The following RASGRF2 variants were observed in gnomAD, a reference collection of about 807,000 sequenced individuals.
RASGRF2 encodes the protein ras-specific guanine nucleotide-releasing factor 2.
RASGRF2 carries 76 observed loss-of-function variants against 151.0 expected under a neutral mutation model. The ratio of observed to expected loss-of-function variants is 0.50; its 90% CI spans 0.42 to 0.61. The LOEUF is 0.61. Ranked by LOEUF, RASGRF2 falls within the 20% of genes least tolerant of loss-of-function variation. The probability of loss-of-function intolerance (pLI) is 0.00; values close to 1 mark genes in which losing one functional copy is unlikely to be tolerated. For synonymous variants in RASGRF2, 504 were observed against 566.5 expected, an observed-to-expected ratio of 0.89 and a Z score of 1.57; for missense variants, 1,148 against 1,564.6, an observed-to-expected ratio of 0.73 and a Z score of 4.49.
At chr5:81,033,789 T>C (rs902344087) in intron 1 of RASGRF2, among the ~76,000 whole-genome samples, 5 of 152,160 alleles carry the variant, frequency 3.3e-5, no homozygotes, top group Non-Finnish European at 5.9e-5. Context: ...AAAGCCAAAA[T>C]TGACAAATGG....
Position 80,960,599 on chromosome 5 carries a change from C to A in RASGRF2, c.-140C>A. ...GGCCTCCCGAAAGCGGGCGGGGTGC[C>A]CTGCGCGCGGCGTGGGGAAAGGGGG... On this transcript the variant is annotated 5_prime_UTR_variant, in exon 1 of 27. Coordinates refer to ENST00000265080, the MANE Select transcript of RASGRF2 (RefSeq NM_006909.3). The surrounding 1 kb of genome is among the most constrained non-coding windows in gnomAD (Gnocchi z 5.5). 1.2e-6 allele frequency: 1 copy of A among 847,154 alleles called. No homozygotes were observed. Among genetic ancestry groups the A allele is most frequent in the Non-Finnish European group, 1.6e-6 (1 of 640,588 alleles). 52.5% of individuals were successfully genotyped at this position (847,154 alleles called of 1,614,324 possible).
In RASGRF2 at chr5:81,001,726, T is replaced by C. The variant is rs566239237; in HGVS notation, c.288+40700T>C. On this transcript the variant is annotated intron_variant, in intron 1 of 26. Transcript: ENST00000265080. ...CGAGACAATTGTACCCTGACTTGTA[T>C]TTATTTACTTGTTTTCTTGCCTCTG... Among the ~76,000 whole-genome samples, 5 of 152,356 alleles carry C rather than the reference T, an allele frequency of 3.3e-5. No homozygotes were observed. The South Asian group carries it at 1.0e-3, about 32-fold the overall frequency.
intron 18 of RASGRF2, among the ~76,000 whole-genome samples, chr5:81,197,953 G>A (rs1755304284): frequency 6.6e-6 from 1 of 151,904 alleles, no homozygotes; most frequent in African/African-American, 2.4e-5. Flanking sequence ...CTACCTTTTT[G>A]TTCTTTTTTT....
intron 17 of RASGRF2, among the ~76,000 whole-genome samples, chr5:81,174,303 T>C (rs1754724204): frequency 1.3e-5 from 2 of 152,242 alleles, no homozygotes; most frequent in African/African-American, 4.8e-5. Context: ...GTCATTAATA[T>C]GGACATGTCT....
At chr5:81,027,066 C>T (rs1750061406) in intron 1 of RASGRF2, among the ~76,000 whole-genome samples, 1 of 152,076 alleles carries the variant, frequency 6.6e-6, no homozygotes, top group African/African-American at 2.4e-5. Flanking sequence ...TAAAATTCAC[C>T]ATTTTAAAGT....
At chr5:81,224,547 A>C (rs1755929872) in intron 26 of RASGRF2, among the ~76,000 whole-genome samples, 1 of 152,238 alleles carries the variant, frequency 6.6e-6, no homozygotes, top group Admixed American at 6.5e-5. Flanking sequence ...TGTTTATCCA[A>C]AGGGAAAATG....
At chr5:81,173,805 T>G (rs1017977724) in intron 17 of RASGRF2, among the ~76,000 whole-genome samples, 1 of 152,226 alleles carries the variant, frequency 6.6e-6, no homozygotes, top group Non-Finnish European at 1.5e-5. Flanking sequence ...TTTTGAGTTT[T>G]GTAAATTTGG....
intron 1 of RASGRF2, among the ~76,000 whole-genome samples, chr5:80,969,012 T>A (rs1747815152): frequency 6.6e-6 from 1 of 151,944 alleles, no homozygotes; most frequent in African/African-American, 2.4e-5. Flanking sequence ...ATGATCATGG[T>A]GTAAAGTGTT....
intron 17 of RASGRF2, among the ~76,000 whole-genome samples, chr5:81,149,665 C>T (rs1270173459): frequency 6.6e-6 from 1 of 152,066 alleles, no homozygotes; most frequent in Admixed American, 6.6e-5. Flanking sequence ...CCATGAGTTT[C>T]ACCATCTTCT....
Position 81,055,869 on chromosome 5 carries a change from G to A in RASGRF2, c.396-12163G>A, listed in dbSNP as rs565519735. 6.3e-3 allele frequency among the ~76,000 whole-genome samples: 953 copies of A among 152,268 alleles called. 5 individuals are homozygous for A. Among genetic ancestry groups the A allele is most frequent in the Middle Eastern group, 0.014 (4 of 294 alleles). On this transcript the variant is annotated intron_variant, in intron 2 of 26. Coordinates refer to ENST00000265080, the MANE Select transcript of RASGRF2 (RefSeq NM_006909.3). ...CTGGTTTAGTCTTGGGAGGGTGTAT[G>A]TGTCCAGGAATTTATCCATTTCTTC...
At chr5:81,127,263 A>C in intron 17 of RASGRF2, 100 bp downstream of exon 17, 2 of 1,232,076 alleles carry the variant, frequency 1.6e-6, no homozygotes, top group Non-Finnish European at 2.3e-6. Flanking sequence ...CAGCTCTCAC[A>C]CTGGAATCCC....
intron 18 of RASGRF2, among the ~76,000 whole-genome samples, chr5:81,197,680 C>G (rs1755298093): frequency 6.6e-6 from 1 of 152,092 alleles, no homozygotes; most frequent in Non-Finnish European, 1.5e-5. Context: ...AATGTTCTCT[C>G]CAATCATTTA....
At chr5:81,034,816 A>AG (rs1750420246) in intron 1 of RASGRF2, among the ~76,000 whole-genome samples, 3 of 117,606 alleles carry the variant, frequency 2.6e-5, no homozygotes, top group African/African-American at 3.6e-5. Flanking sequence ...GGAGGGGGGT[A>AG]GGGATAGCAT....
chr5:81,061,928 A>G lies in RASGRF2; in HGVS notation c.396-6104A>G, dbSNP rs184232468. Among the ~76,000 whole-genome samples, 443 of 146,682 alleles carry G rather than the reference A, an allele frequency of 3.0e-3. 1 individual carries two copies. Among genetic ancestry groups the G allele is most frequent in the African/African-American group, 0.011 (422 of 39,518 alleles). On this transcript the variant is annotated intron_variant, in intron 2 of 26. Transcript: ENST00000265080. ...GGTCTCAAACTCCTGAGCTAAAGTG[A>G]TCTGCCTGCCTCAGCCTCCCAAAGT...
chr5:81,088,222 G>A (rs1195315397), intron 9 of RASGRF2: 2 of 152,346 alleles, frequency 1.3e-5, no homozygotes, highest in Non-Finnish European at 2.9e-5. Context: ...TCCCCAGCCT[G>A]GGGGCTGGGA....
chr5:81,087,154 A>G (rs1341543466), intron 9 of RASGRF2: 1 of 703,224 alleles, frequency 1.4e-6, no homozygotes, highest in African/African-American at 1.7e-5. Flanking sequence ...CAACACAATC[A>G]TAGTAAAGCA....
intron 2 of RASGRF2, among the ~76,000 whole-genome samples, chr5:81,065,663 T>C (rs1295865271): frequency 1.3e-5 from 2 of 152,210 alleles, no homozygotes; most frequent in African/African-American, 4.8e-5. Context: ...TTACATTTGC[T>C]GCTTCCGAGC....
intron 1 of RASGRF2, among the ~76,000 whole-genome samples, chr5:81,005,486 C>A (rs1749238336): frequency 6.6e-6 from 1 of 152,128 alleles, no homozygotes; most frequent in East Asian, 1.9e-4. Context: ...AACTGCAATT[C>A]AAGATACGAT....
chr5:81,216,695 C>T (rs547176447), intron 24 of RASGRF2, among the ~76,000 whole-genome samples: 1 of 152,246 alleles, frequency 6.6e-6, no homozygotes, highest in African/African-American at 2.4e-5. Context: ...AACTGCAGTT[C>T]AGAGAATGTT....
Sources: gnomAD v4.1 joint callset for allele counts (sites outside exome capture counted in the v4.1 genomes callset) on GRCh38, gnomAD v4.1.1 for gene constraint, Gnocchi (gnomAD v3.1) non-coding constraint, MANE v1.5 for transcripts, NCBI Gene and HGNC (gene_info 2026-07-23, HGNC 2026-07-21) for gene names.